The following TBL1XR1 variants were observed in gnomAD, a reference collection of about 807,000 sequenced individuals.
The protein encoded by TBL1XR1 is F-box-like/WD repeat-containing protein TBL1XR1.
Under a neutral mutation model 66.9 loss-of-function variants are expected in TBL1XR1, and 5 were observed. The observed-to-expected ratio is 0.07, with a 90% CI of 0.04 to 0.16. TBL1XR1 has a LOEUF of 0.16. Among genes scored for constraint, TBL1XR1 ranks in the 10% least tolerant of loss-of-function variants. TBL1XR1 has a pLI of 1.00. For synonymous variants in TBL1XR1, 210 were observed against 206.0 expected, an observed-to-expected ratio of 1.02 and a Z score of -0.17; for missense variants, 238 against 623.2, an observed-to-expected ratio of 0.38 and a Z score of 6.58.
At chr3:177,161,009 AT>A (rs200537016) in intron 1 of TBL1XR1, 2 of 151,732 alleles carry the variant, frequency 1.3e-5, no homozygotes, top group Non-Finnish European at 2.9e-5. Flanking sequence ...AAAAAAAAAA[AT>A]AAAGATCTAA....
At chr3:177,042,032 G>A (rs1394205963) in intron 10 of TBL1XR1, among the ~76,000 whole-genome samples, 1 of 152,044 alleles carries the variant, frequency 6.6e-6, no homozygotes, top group African/African-American at 2.4e-5. Context: ...CAACACCTCT[G>A]CAAATATTTC....
At chr3:177,101,660 AGCCTGGACTTTCT>A (rs1724234541) in intron 1 of TBL1XR1, among the ~76,000 whole-genome samples, 1 of 152,220 alleles carries the variant, frequency 6.6e-6, no homozygotes, top group African/African-American at 2.4e-5. Context: ...CGGCCCCTCA[AGCCTGGACTTTCT>A]AGCCTCTGGA....
At chr3:177,114,745 A>G (rs1170275126) in intron 1 of TBL1XR1, among the ~76,000 whole-genome samples, 2 of 151,866 alleles carry the variant, frequency 1.3e-5, no homozygotes, top group Admixed American at 1.3e-4. Context: ...GGACGCTGAG[A>G]TGGGAAGATC....
intron 1 of TBL1XR1, among the ~76,000 whole-genome samples, chr3:177,103,741 G>C (rs1724520769): frequency 6.6e-6 from 1 of 152,106 alleles, no homozygotes; most frequent in Non-Finnish European, 1.5e-5. Flanking sequence ...CTCTAATCTA[G>C]AACCTAGTGG....
At chr3:177,070,167 CTTTGA>C (rs978019158) in intron 2 of TBL1XR1, among the ~76,000 whole-genome samples, 2 of 148,384 alleles carry the variant, frequency 1.3e-5, no homozygotes, top group Non-Finnish European at 3.0e-5. Flanking sequence ...TGATGAGTCA[CTTTGA>C]TTTAAGTCCA....
At chr3:177,043,033 T>C (rs928608624) in intron 10 of TBL1XR1, among the ~76,000 whole-genome samples, 4 of 152,168 alleles carry the variant, frequency 2.6e-5, no homozygotes, top group Non-Finnish European at 4.4e-5. Flanking sequence ...TATAAAACTT[T>C]CTAACTTAAT....
At chr3:177,163,905 T>C (rs1732515962) in intron 1 of TBL1XR1, 1 of 152,206 alleles carries the variant, frequency 6.6e-6, no homozygotes, top group African/African-American at 2.4e-5. Context: ...TTTAGATTTA[T>C]GTTATTACAA....
At chr3:177,076,939 T>A (rs539960404) in intron 2 of TBL1XR1, among the ~76,000 whole-genome samples, 1 of 152,206 alleles carries the variant, frequency 6.6e-6, no homozygotes, top group Non-Finnish European at 1.5e-5. Context: ...ACACACTATA[T>A]CCAATCACAA....
chr3:177,106,916 TA>T (rs34914113), intron 1 of TBL1XR1, among the ~76,000 whole-genome samples: 23 of 149,622 alleles, frequency 1.5e-4, no homozygotes, highest in East Asian at 5.9e-4. Flanking sequence ...GCATTACTAC[TA>T]AAAAAAAAAA....
chr3:177,167,690 G>C (rs1177606532), intron 1 of TBL1XR1, among the ~76,000 whole-genome samples: 1 of 152,194 alleles, frequency 6.6e-6, no homozygotes, highest in Non-Finnish European at 1.5e-5. Flanking sequence ...CAGCACTCTG[G>C]GAGGCCAAGG....
chr3:177,093,338 T>C (rs1374658534), intron 2 of TBL1XR1, among the ~76,000 whole-genome samples: 2 of 152,092 alleles, frequency 1.3e-5, no homozygotes, highest in Non-Finnish European at 2.9e-5. Flanking sequence ...CACAAACAAA[T>C]GGAAACACAT....
intron 2 of TBL1XR1, among the ~76,000 whole-genome samples, chr3:177,070,913 C>G (rs576360364): frequency 1.3e-5 from 2 of 151,822 alleles, no homozygotes; most frequent in Non-Finnish European, 2.9e-5. Context: ...GTCTGACTAG[C>G]ATAAAATACT....
intron 1 of TBL1XR1, among the ~76,000 whole-genome samples, chr3:177,135,961 A>AG (rs1728947844): frequency 6.6e-6 from 1 of 151,808 alleles, no homozygotes; most frequent in African/African-American, 2.4e-5. Context: ...ATTACCTAAA[A>AG]CTGTTAAGCC....
chr3:177,195,840 G>C (rs1559978472), intron 1 of TBL1XR1, among the ~76,000 whole-genome samples: 3 of 152,112 alleles, frequency 2.0e-5, no homozygotes. Flanking sequence ...AAAGTGAATA[G>C]TAAACTTTCC....
At chr3:177,129,358 A>G (rs981597157) in intron 1 of TBL1XR1, among the ~76,000 whole-genome samples, 2 of 152,220 alleles carry the variant, frequency 1.3e-5, no homozygotes, top group Non-Finnish European at 2.9e-5. Context: ...TAAAAATTTT[A>G]AAGCTTAAAA....
chr3:177,112,107 A>ATATATATATATATATTTTTTTTTTTTT, intron 1 of TBL1XR1, among the ~76,000 whole-genome samples: 4 of 37,650 alleles, frequency 1.1e-4, no homozygotes, highest in Non-Finnish European at 1.8e-4. Context: ...ATATATATAT[A>ATATATATATATATATTTTTTTTTTTTT]TTTTTTTTTT....
chr3:177,188,908 A>G (rs1482029305), intron 1 of TBL1XR1, among the ~76,000 whole-genome samples: 2 of 152,222 alleles, frequency 1.3e-5, no homozygotes, highest in Non-Finnish European at 2.9e-5. Flanking sequence ...CATTCTATAC[A>G]TAAATATTAA....
In TBL1XR1 at chr3:177,191,002, A is replaced by G. The variant is rs185143103; in HGVS notation, c.-122+6119T>C. ...AGTCAGGATGGCCAGAAAAGGATTCATGGAAGAAGGGGGACTGAAACTAGG... is the reference window on the plus strand; with the variant it reads ...AGTCAGGATGGCCAGAAAAGGATTCGTGGAAGAAGGGGGACTGAAACTAGG... On this transcript the variant is annotated intron_variant, in intron 1 of 15. Coordinates refer to ENST00000457928, the MANE Select transcript of TBL1XR1 (RefSeq NM_024665.7). 2.2e-4 allele frequency among the ~76,000 whole-genome samples: 33 copies of G among 152,304 alleles called. No individual in the cohort carries two copies. In the East Asian group the frequency reaches 6.2e-3, roughly 28 times the overall value.
Position 177,085,251 on chromosome 3 carries a change from C to T in TBL1XR1, c.-46+13215G>A, listed in dbSNP as rs570333595. Among the ~76,000 whole-genome samples the T allele has an allele frequency of 2.3e-4, 35 of 152,244 alleles. No individual in the cohort carries two copies. The South Asian group carries it at 7.1e-3, about 31-fold the overall frequency. On this transcript the variant is annotated intron_variant, in intron 2 of 15. Coordinates refer to ENST00000457928, the MANE Select transcript of TBL1XR1 (RefSeq NM_024665.7). ...ACAAAGGTCTTGAGAACTGAAGACA[C>T]AAATCACCTTCAGGTTCCATACTAA...
Sources: allele counts gnomAD v4.1 joint callset (sites outside exome capture counted in the v4.1 genomes callset), GRCh38; gene constraint gnomAD v4.1.1; transcripts MANE v1.5; gene names NCBI Gene and HGNC (gene_info 2026-07-23, HGNC 2026-07-21).